PARVB: variants seen among roughly 807,000 people sequenced by gnomAD.
The protein encoded by PARVB is beta-parvin.
A neutral mutation model predicts 47.0 loss-of-function variants in PARVB; 46 were observed. The observed-to-expected ratio is 0.98, with a 90% CI of 0.77 to 1.25. The LOEUF (loss-of-function observed/expected upper bound fraction) is 1.25, where lower values mean the gene tolerates loss of function less well. Ranked by LOEUF, PARVB falls within the 50% of genes most tolerant of loss-of-function variation. The pLI is 0.00. For synonymous variants in PARVB, 196 were observed against 196.3 expected, an observed-to-expected ratio of 1.00 and a Z score of 0.01; for missense variants, 473 against 471.6, an observed-to-expected ratio of 1.00 and a Z score of -0.03.
intron 1 of PARVB, chr22:43,999,452 G>A: frequency 6.3e-7 from 1 of 1,586,532 alleles, no homozygotes. Flanking sequence ...GTTAAAATCA[G>A]GTTGTACTCA....
chr22:44,035,795 CA>C lies in PARVB; in HGVS notation c.112+11345del, dbSNP rs751321831. Among the ~76,000 whole-genome samples, 454 of 151,486 alleles carry C rather than the reference CA, an allele frequency of 3.0e-3. 1 individual carries two copies. Among genetic ancestry groups the C allele is most frequent in the Middle Eastern group, 0.027 (8 of 294 alleles). On this transcript the variant is annotated intron_variant, in intron 1 of 12. Transcript: ENST00000338758. The stretch of plus-strand genomic sequence containing the variant: ...AAAATACGTGGGAACCCAAACAGAT[CA>C]CTTTTTTTTTTTTTTACTATGATAT...
At chr22:44,011,405 G>T (rs532802865) in intron 2 of PARVB, among the ~76,000 whole-genome samples, 2 of 152,214 alleles carry the variant, frequency 1.3e-5, no homozygotes, top group African/African-American at 4.8e-5. Context: ...TTGAGGTCAG[G>T]CGTTTGAGAC....
intron 12 of PARVB, among the ~76,000 whole-genome samples, chr22:44,165,485 G>T (rs951224726): frequency 9.2e-5 from 14 of 152,214 alleles, no homozygotes; most frequent in Non-Finnish European, 1.9e-4. Flanking sequence ...CGTTGCTGCT[G>T]CCCTGCAGCC....
chr22:44,113,265 C>G (rs1242445363), intron 3 of PARVB: 5 of 102,906 alleles, frequency 4.9e-5, no homozygotes, highest in Non-Finnish European at 3.8e-5. Context: ...TGCACCAACA[C>G]AGATACATTG....
chr22:44,157,143 C>T (rs116122300), intron 10 of PARVB, among the ~76,000 whole-genome samples: 1,803 of 152,322 alleles, frequency 0.012, 28 homozygotes, highest in African/African-American at 0.041. Flanking sequence ...GCTCCAGAGG[C>T]CCCCTGGAGA....
intron 11 of PARVB, 51 bp from the exon 12 acceptor site, chr22:44,163,807 G>A: frequency 6.8e-7 from 1 of 1,464,084 alleles, no homozygotes; most frequent in Non-Finnish European, 9.4e-7. Context: ...TGGGCCGTGT[G>A]TGGGAACGAC....
At chr22:44,013,149 C>T (rs1227281328) in intron 2 of PARVB, among the ~76,000 whole-genome samples, 1 of 152,168 alleles carries the variant, frequency 6.6e-6, no homozygotes, top group Non-Finnish European at 1.5e-5. Flanking sequence ...CCGTCTGCCT[C>T]GGCCTCCCAA....
At chr22:44,113,465 T>G (rs1287447336) in intron 3 of PARVB, 2 of 61,674 alleles carry the variant, frequency 3.2e-5, no homozygotes, top group East Asian at 7.3e-4. Context: ...TGTTACTAAC[T>G]AAGGCCCTGC....
At chr22:44,147,965 G>C (rs779930191) in intron 9 of PARVB, 43 bp downstream of exon 9, 1 of 1,542,868 alleles carries the variant, frequency 6.5e-7, no homozygotes, top group Non-Finnish European at 9.0e-7. Flanking sequence ...CCCCTGGCTC[G>C]CGGCTTTTTG....
intron 2 of PARVB, among the ~76,000 whole-genome samples, chr22:44,013,456 C>T (rs898974025): frequency 6.6e-6 from 1 of 152,222 alleles, no homozygotes; most frequent in Non-Finnish European, 1.5e-5. Flanking sequence ...AGCCAGCCTG[C>T]TGGTGCCCAT....
intron 4 of PARVB, among the ~76,000 whole-genome samples, chr22:44,123,991 G>C (rs1428451862): frequency 6.6e-6 from 1 of 152,226 alleles, no homozygotes; most frequent in South Asian, 2.1e-4. Flanking sequence ...AATGCCAAGA[G>C]CAGAACTAAG....
chr22:44,031,973 C>G (rs1357248477), intron 1 of PARVB, among the ~76,000 whole-genome samples: 1 of 152,102 alleles, frequency 6.6e-6, no homozygotes, highest in Non-Finnish European at 1.5e-5. Flanking sequence ...CTTTAGGTTT[C>G]AGGTGAAAAA....
chr22:44,073,187 G>A (rs2051691756), intron 1 of PARVB, among the ~76,000 whole-genome samples: 2 of 152,164 alleles, frequency 1.3e-5, no homozygotes, highest in Non-Finnish European at 2.9e-5. Context: ...TTTAAGTGGA[G>A]GAAATTTAAA....
Position 44,168,876 on chromosome 22 carries a change from T to C in PARVB, c.*198T>C. 1.8e-6 allele frequency: 1 copy of C among 557,360 alleles called. No homozygotes were observed. The allele number at this position is 557,360 out of a possible 1,614,324, so 34.5% of individuals were successfully genotyped here. A position where few individuals can be genotyped will look rare whatever the true frequency, so the allele number is the denominator to read the frequency against. On this transcript the variant is annotated 3_prime_UTR_variant, in exon 13 of 13. Transcript: ENST00000338758. The stretch of plus-strand genomic sequence containing the variant: ...TGTTGTTCTTAATCTCCTCTCCATG[T>C]AGTTCCCAGTGGGCAAGAGCCTTTG...
chr22:44,122,790 C>G (rs574855286), intron 4 of PARVB, among the ~76,000 whole-genome samples: 2 of 152,152 alleles, frequency 1.3e-5, no homozygotes, highest in Non-Finnish European at 1.5e-5. Flanking sequence ...CTGCTTGTTT[C>G]GCTTAATATG....
chr22:44,142,012 C>G (rs954751084), intron 8 of PARVB: 1 of 152,168 alleles, frequency 6.6e-6, no homozygotes, highest in Non-Finnish European at 1.5e-5. Flanking sequence ...CCAGTGCCCC[C>G]CTCTGTCACC....
intron 1 of PARVB, among the ~76,000 whole-genome samples, chr22:44,043,392 AT>A (rs978381445): frequency 4.6e-5 from 7 of 151,896 alleles, no homozygotes; most frequent in African/African-American, 1.2e-4. Flanking sequence ...TTATTTATTT[AT>A]TTTGAGACGG....
chr22:44,140,837 C>T (rs2053537120), intron 8 of PARVB: 2 of 254,204 alleles, frequency 7.9e-6, no homozygotes, highest in Non-Finnish European at 1.6e-5. Flanking sequence ...TAATCACTCT[C>T]TCTTCCCTCA....
At chr22:44,117,317 C>A (rs2052930668) in intron 3 of PARVB, among the ~76,000 whole-genome samples, 1 of 151,792 alleles carries the variant, frequency 6.6e-6, no homozygotes, top group South Asian at 2.1e-4. Context: ...GGGAGGATCC[C>A]CCAAAGGAGG....
Sources: allele counts gnomAD v4.1 joint callset (sites outside exome capture counted in the v4.1 genomes callset), GRCh38; gene constraint gnomAD v4.1.1; transcripts MANE v1.5; gene names NCBI Gene and HGNC (gene_info 2026-07-23, HGNC 2026-07-21).